The following FHIT variants were observed in gnomAD, a reference collection of about 807,000 sequenced individuals.
FHIT encodes bis(5'-adenosyl)-triphosphatase.
A neutral mutation model predicts 17.9 loss-of-function variants in FHIT; 19 were observed. That is an observed-to-expected ratio of 1.06 (90% CI 0.74 to 1.56). The LOEUF (loss-of-function observed/expected upper bound fraction) is 1.56. FHIT is among the 40% of genes most tolerant of loss of function. The pLI is 0.00. For missense variants in FHIT, 248 were observed against 189.2 expected, an observed-to-expected ratio of 1.31 and a Z score of -1.82; for synonymous variants, 81 against 69.7, an observed-to-expected ratio of 1.16 and a Z score of -0.81.
At chr3:60,884,281 C>T (rs1386676424) in intron 3 of FHIT, among the ~76,000 whole-genome samples, 1 of 152,070 alleles carries the variant, frequency 6.6e-6, no homozygotes, top group Non-Finnish European at 1.5e-5. Flanking sequence ...TAAATTAGTA[C>T]AGCCATTATG....
chr3:61,006,522 T>C, intron 3 of FHIT, among the ~76,000 whole-genome samples: 1 of 152,014 alleles, frequency 6.6e-6, no homozygotes, highest in Non-Finnish European at 1.5e-5. Context: ...AACTTTTATG[T>C]ATAAAATTTC....
intron 3 of FHIT, among the ~76,000 whole-genome samples, chr3:60,912,982 C>G (rs913594909): frequency 1.6e-4 from 24 of 152,194 alleles, no homozygotes; most frequent in African/African-American, 5.8e-4. Context: ...AGCTGGAGAA[C>G]CTAGGAGGGT....
intron 5 of FHIT, among the ~76,000 whole-genome samples, chr3:60,258,243 C>G (rs982191337): frequency 6.6e-6 from 1 of 152,108 alleles, no homozygotes; most frequent in African/African-American, 2.4e-5. Flanking sequence ...ATGAAACACT[C>G]TGTGACAACG....
intron 4 of FHIT, among the ~76,000 whole-genome samples, chr3:60,806,861 A>G (rs1314099919): frequency 2.6e-5 from 4 of 152,246 alleles, no homozygotes; most frequent in African/African-American, 7.2e-5. Context: ...TCGCAAAGGT[A>G]TCTCGTACCA....
intron 7 of FHIT, among the ~76,000 whole-genome samples, chr3:59,973,722 A>G (rs999967384): frequency 2.0e-5 from 3 of 152,158 alleles, no homozygotes; most frequent in Admixed American, 6.6e-5. Flanking sequence ...GAATATTTAT[A>G]TAATAGTTGC....
At chr3:60,812,185 T>C (rs1454065705) in intron 4 of FHIT, among the ~76,000 whole-genome samples, 1 of 151,796 alleles carries the variant, frequency 6.6e-6, no homozygotes, top group African/African-American at 2.4e-5. Flanking sequence ...CTTTTTTTTT[T>C]TTTTTTGAGA....
intron 5 of FHIT, among the ~76,000 whole-genome samples, chr3:60,098,020 C>A (rs1308636791): frequency 6.6e-6 from 1 of 151,926 alleles, no homozygotes; most frequent in Admixed American, 6.6e-5. Context: ...CCAGTTTCAT[C>A]CATGTCCCTG....
intron 5 of FHIT, among the ~76,000 whole-genome samples, chr3:60,418,558 T>A (rs994955050): frequency 7.8e-4 from 14 of 18,040 alleles, no homozygotes; most frequent in African/African-American, 1.3e-3. Flanking sequence ...CCCTCCCAAC[T>A]TTTTTTTTTT....
At chr3:60,257,728 G>T (rs1480980097) in intron 5 of FHIT, among the ~76,000 whole-genome samples, 1 of 152,160 alleles carries the variant, frequency 6.6e-6, no homozygotes, top group Non-Finnish European at 1.5e-5. Context: ...AAAGGAATGA[G>T]ATCATGTCCT....
chr3:60,430,970 G>C (rs1326913446), intron 5 of FHIT, among the ~76,000 whole-genome samples: 1 of 152,030 alleles, frequency 6.6e-6, no homozygotes, highest in Non-Finnish European at 1.5e-5. Context: ...CCAGCACTTT[G>C]GGAGGCCAAA....
At chr3:60,385,607 T>A (rs1464230158) in intron 5 of FHIT, among the ~76,000 whole-genome samples, 2 of 152,204 alleles carry the variant, frequency 1.3e-5, no homozygotes, top group Non-Finnish European at 2.9e-5. Context: ...TGAAACAGGA[T>A]CTCACTTTGT....
intron 5 of FHIT, among the ~76,000 whole-genome samples, chr3:60,214,293 T>G (rs1703594840): frequency 6.6e-6 from 1 of 152,216 alleles, no homozygotes; most frequent in South Asian, 2.1e-4. Context: ...ATCCTAAACT[T>G]GCTGTCATTT....
chr3:60,482,354 C>G (rs1172848674), intron 5 of FHIT, among the ~76,000 whole-genome samples: 2 of 152,100 alleles, frequency 1.3e-5, no homozygotes, highest in Non-Finnish European at 2.9e-5. Flanking sequence ...TACAGAACTC[C>G]CTACCCCAAC....
At chr3:59,997,725 T>C (rs1443996728) in intron 7 of FHIT, among the ~76,000 whole-genome samples, 1 of 152,176 alleles carries the variant, frequency 6.6e-6, no homozygotes, top group Non-Finnish European at 1.5e-5. Context: ...CCTTGGGAGC[T>C]GACTCATAGT....
intron 2 of FHIT, among the ~76,000 whole-genome samples, chr3:61,132,518 C>A (rs2036794338): frequency 6.6e-6 from 1 of 152,154 alleles, no homozygotes; most frequent in Non-Finnish European, 1.5e-5. Context: ...GAGAAACATA[C>A]AAATGCAAAC....
chr3:59,949,857 G>T (rs575663091), intron 7 of FHIT, among the ~76,000 whole-genome samples: 1 of 152,274 alleles, frequency 6.6e-6, no homozygotes, highest in African/African-American at 2.4e-5. Flanking sequence ...GATGGGGAAC[G>T]CAGGGTATGA....
chr3:60,881,232 T>C (rs1279650271), intron 3 of FHIT, among the ~76,000 whole-genome samples: 1 of 152,194 alleles, frequency 6.6e-6, no homozygotes, highest in Non-Finnish European at 1.5e-5. Context: ...AAGGAATCAA[T>C]TCAGCAAGAA....
intron 2 of FHIT, among the ~76,000 whole-genome samples, chr3:61,057,987 G>T (rs571459692): frequency 5.9e-5 from 9 of 152,066 alleles, no homozygotes; most frequent in African/African-American, 2.2e-4. Flanking sequence ...AATCAAACTG[G>T]GTAGAGTTCA....
chr3:60,261,854 G>A (rs142993319), intron 5 of FHIT, among the ~76,000 whole-genome samples: 1 of 152,032 alleles, frequency 6.6e-6, no homozygotes, highest in Non-Finnish European at 1.5e-5. Context: ...TTCTCTCACT[G>A]TACCTGGAGA....
Sources: gnomAD v4.1 joint callset for allele counts (sites outside exome capture counted in the v4.1 genomes callset) on GRCh38, gnomAD v4.1.1 for gene constraint, MANE v1.5 for transcripts, NCBI Gene and HGNC (gene_info 2026-07-23, HGNC 2026-07-21) for gene names.